ART4: variants seen among roughly 807,000 people sequenced by gnomAD.
The protein encoded by ART4 is ADP-ribosyltransferase 4 (inactive) (Dombrock blood group).
ART4 carries 14 observed loss-of-function variants against 24.2 expected under a neutral mutation model. The ratio of observed to expected loss-of-function variants is 0.58; its 90% CI spans 0.38 to 0.90. ART4 has a LOEUF of 0.90. Among genes scored for constraint, ART4 ranks in the 40% least tolerant of loss-of-function variants. ART4 has a pLI of 0.00. For synonymous variants in ART4, 145 were observed against 139.9 expected (o/e 1.04, Z -0.26); for missense variants, 356 against 366.6 (o/e 0.97, Z 0.24).
rs184044519 is a variant in ART4, at chr12:14,826,691, G to C, written c.*2680C>G. 2 of 152,242 alleles carry C rather than the reference G, an allele frequency of 1.3e-5. No homozygotes were observed. Among genetic ancestry groups the C allele is most frequent in the Non-Finnish European group, 2.9e-5 (2 of 68,056 alleles). The allele number at this position is 152,242 out of a possible 1,614,324, so 9.4% of individuals were successfully genotyped here. A position where few individuals can be genotyped will look rare whatever the true frequency, so the allele number is the denominator to read the frequency against. On this transcript the variant is annotated 3_prime_UTR_variant, in exon 3 of 3. Coordinates refer to ENST00000228936, the MANE Select transcript of ART4 (RefSeq NM_021071.4). ...CCACATTACCCCTCACTCTCTGCCA[G>C]ACCTATCTGCTCCCTGACCTTATGC...
Position 14,829,077 on chromosome 12 carries a change from A to T in ART4, c.*294T>A, listed in dbSNP as rs966385610. Reference sequence around the variant, plus strand: ...TGAAGAAGAAATATACTGATTGGCTAAGGCCTGAGTTACAGGCCAATCACA... The same window carrying T: ...TGAAGAAGAAATATACTGATTGGCTTAGGCCTGAGTTACAGGCCAATCACA... On this transcript the variant is annotated 3_prime_UTR_variant, in exon 3 of 3. Coordinates refer to ENST00000228936, the MANE Select transcript of ART4 (RefSeq NM_021071.4). 1.4e-4 allele frequency: 31 copies of T among 223,704 alleles called. No homozygotes were observed. The highest frequency in any genetic ancestry group is 5.9e-4 in the African/African-American group (26 of 43,730). 13.9% of individuals were successfully genotyped at this position (223,704 alleles called of 1,614,324 possible). A position where few individuals can be genotyped will look rare whatever the true frequency, so the allele number is the denominator to read the frequency against.
At position 14,840,742 on chromosome 12, in the gene ART4, G is replaced by A. The variant is rs567116903; in HGVS notation, c.556C>T (p.His186Tyr). Residue 186 changes from histidine (H) to tyrosine (Y), a missense_variant, in exon 2 of 3, where the codon CAT becomes TAT. His to Tyr is a moderately conservative substitution (Grantham distance 83, BLOSUM62 2). Transcript: ENST00000228936. ...MENGTLCYEV[H>Y]YRTKDVHFNA... ...AAGTGGACATCCTTCGTCCTATAAT[G>A]CACCTCATAGCACAGAGTGCCATTC... The A allele has an allele frequency of 6.2e-7, 1 of 1,614,020 alleles. No homozygotes were observed. Among genetic ancestry groups the A allele is most frequent in the Non-Finnish European group, 8.5e-7 (1 of 1,180,036 alleles).
chr12:14,839,096 A>G (rs1469157157), intron 2 of ART4, among the ~76,000 whole-genome samples: 1 of 152,162 alleles, frequency 6.6e-6, no homozygotes, highest in Non-Finnish European at 1.5e-5. Context: ...AGCCCTTTCT[A>G]AGATGTTGAC....
chr12:14,839,862 G>A (rs892070772), intron 2 of ART4, among the ~76,000 whole-genome samples: 1 of 152,160 alleles, frequency 6.6e-6, no homozygotes, highest in Non-Finnish European at 1.5e-5. Context: ...TTCCTGGAGA[G>A]AATGAGTAGC....
chr12:14,836,484 T>C (rs1039445441), intron 2 of ART4, among the ~76,000 whole-genome samples: 2 of 152,202 alleles, frequency 1.3e-5, no homozygotes, highest in African/African-American at 4.8e-5. Flanking sequence ...CAGAATGGCA[T>C]ACCATTTAAA....
intron 1 of ART4, among the ~76,000 whole-genome samples, chr12:14,841,933 G>GT (rs1361968442): frequency 2.0e-5 from 3 of 152,172 alleles, no homozygotes; most frequent in African/African-American, 7.2e-5. Flanking sequence ...ACACCCAGTT[G>GT]TTTTTTCCCA....
At chr12:14,833,192 A>G (rs533859055) in intron 2 of ART4, among the ~76,000 whole-genome samples, 2 of 152,350 alleles carry the variant, frequency 1.3e-5, no homozygotes, top group Non-Finnish European at 2.9e-5. Flanking sequence ...AAGTTAGAAT[A>G]GAAACACTAG....
At position 14,840,610 on chromosome 12, in the gene ART4, T is replaced by C. The variant is rs760469797; in HGVS notation, c.688A>G (p.Thr230Ala). The C allele has an allele frequency of 3.1e-6, 5 of 1,614,058 alleles. No homozygotes were observed. The highest frequency in any genetic ancestry group is 4.2e-6 in the Non-Finnish European group (5 of 1,180,016). ...FGNQTLFTIF[T>A]CLGAPVQYFS... ...TACTGTACAGGTGCACCCAGGCAGG[T>C]GAATATGGTAAATAGTGTCTGGTTC... Residue 230 changes from threonine to alanine, a missense_variant, in exon 2 of 3, where the codon ACC becomes GCC. Physicochemically the swap from Thr to Ala is moderately conservative, Grantham distance 58. Coordinates refer to ENST00000228936, the MANE Select transcript of ART4 (RefSeq NM_021071.4).
chr12:14,840,592 C>G lies in ART4; in HGVS notation c.706G>C (p.Val236Leu), dbSNP rs768235727. Residue 236 changes from valine (V) to leucine (L), a missense_variant, in exon 2 of 3, where the codon GTA becomes CTA. Coordinates refer to ENST00000228936, the MANE Select transcript of ART4 (RefSeq NM_021071.4). ...FTIFTCLGAPVQYFSLKKEVL... is the reference protein window; with the variant it reads ...FTIFTCLGAPLQYFSLKKEVL... ...TCCTTCTTGAGGGAGAAGTACTGTA[C>G]AGGTGCACCCAGGCAGGTGAATATG... 2 of 1,614,060 alleles carry G rather than the reference C, an allele frequency of 1.2e-6. No homozygotes were observed. Among genetic ancestry groups the G allele is most frequent in the African/African-American group, 2.7e-5 (2 of 74,936 alleles).
chr12:14,830,689 A>ATG (rs1399980631), intron 2 of ART4, among the ~76,000 whole-genome samples: 8 of 115,208 alleles, frequency 6.9e-5, no homozygotes, highest in Admixed American at 2.6e-4. Flanking sequence ...ATATATATAT[A>ATG]TATATATATA....
At position 14,843,216 on chromosome 12, in the gene ART4, G is replaced by A. The variant is rs543684970; in HGVS notation, c.-103C>T. ...TTTTCTTTCAGTCTCATCCGTAACC[G>A]TTTTTTCCCCTGTCTATGCTGAGCA... On this transcript the variant is annotated 5_prime_UTR_variant, in exon 1 of 3. It adds an upstream start codon to the 5' untranslated region. Transcript: ENST00000228936. 283 of 1,467,368 alleles carry A rather than the reference G, an allele frequency of 1.9e-4. 1 individual carries two copies. Among genetic ancestry groups the A allele is most frequent in the Admixed American group, 1.5e-3 (78 of 51,334 alleles). The allele number at this position is 1,467,368 out of a possible 1,614,324, so 90.9% of individuals were successfully genotyped here. A position where few individuals can be genotyped will look rare whatever the true frequency, so the allele number is the denominator to read the frequency against.
Position 14,829,416 on chromosome 12 carries a change from G to T in ART4, c.900C>A (p.Leu300=). The change falls in exon 3 of 3, where the codon CTC becomes CTA. Residue 300 remains leucine, a synonymous_variant. Coordinates refer to ENST00000228936, the MANE Select transcript of ART4 (RefSeq NM_021071.4). The part of the protein sequence containing the change: ...CIPDPIAIAS[L]SFLTSVIIFS... ...AGATGATGACACTGGTCAAAAAGGA[G>T]AGAGATGCAATAGCTATAGGATCAG... The T allele has an allele frequency of 1.2e-6, 2 of 1,609,388 alleles. No individual in the cohort carries two copies. Among genetic ancestry groups the T allele is most frequent in the Admixed American group, 3.4e-5 (2 of 59,218 alleles).
At chr12:14,840,316 G>T in intron 2 of ART4, 129 bp downstream of exon 2, 1 of 734,648 alleles carries the variant, frequency 1.4e-6, no homozygotes, top group Non-Finnish European at 2.2e-6. Context: ...TAATCTATCA[G>T]TTCCATCATT....
At chr12:14,829,596 C>A in intron 2 of ART4, 134 bp from the exon 3 acceptor site, 1 of 611,254 alleles carries the variant, frequency 1.6e-6, no homozygotes, top group Non-Finnish European at 2.8e-6. Context: ...ACTTAAAACA[C>A]ATTATTTTAG....
rs58131239 is a variant in ART4, at chr12:14,842,161, A to G, written c.144+809T>C. 7.6e-3 allele frequency among the ~76,000 whole-genome samples: 1,164 copies of G among 152,334 alleles called. 15 individuals carry two copies. Among genetic ancestry groups the G allele is most frequent in the African/African-American group, 0.027 (1,107 of 41,572 alleles). ...GTCCACAAAATATCATCAGACTATC[A>G]TTTAGAGCCATATATAAATTATATA... On this transcript the variant is annotated intron_variant, in intron 1 of 2. Transcript: ENST00000228936.
At chr12:14,837,035 A>ATCT (rs1950435772) in intron 2 of ART4, among the ~76,000 whole-genome samples, 1 of 152,156 alleles carries the variant, frequency 6.6e-6, no homozygotes, top group African/African-American at 2.4e-5. Flanking sequence ...CAATACCGAG[A>ATCT]CAGCAGATCT....
chr12:14,831,482 C>T (rs2137298413), intron 2 of ART4, among the ~76,000 whole-genome samples: 1 of 151,728 alleles, frequency 6.6e-6, no homozygotes, highest in Admixed American at 6.6e-5. Context: ...CCAGGCTGGT[C>T]TCGAACTCCT....
chr12:14,839,512 A>C (rs560862886), intron 2 of ART4, among the ~76,000 whole-genome samples: 30 of 152,312 alleles, frequency 2.0e-4, no homozygotes, highest in Admixed American at 1.9e-3. Context: ...GCTATACCAT[A>C]GCATGGTGGA....
In ART4 at chr12:14,827,866, C is replaced by T. The variant is rs368138935; in HGVS notation, c.*1505G>A. ...TTATTCCCCATTCCATTTCTTTGATCATGACACAGGCCATTCAGGAAGTCC... is the reference window on the plus strand; with the variant it reads ...TTATTCCCCATTCCATTTCTTTGATTATGACACAGGCCATTCAGGAAGTCC... On this transcript the variant is annotated 3_prime_UTR_variant, in exon 3 of 3. Coordinates refer to ENST00000228936, the MANE Select transcript of ART4 (RefSeq NM_021071.4). The T allele has an allele frequency of 1.7e-4, 26 of 152,318 alleles. No homozygotes were observed. The highest frequency in any genetic ancestry group is 6.3e-4 in the African/African-American group (26 of 41,552). 9.4% of individuals were successfully genotyped at this position (152,318 alleles called of 1,614,324 possible). A position where few individuals can be genotyped will look rare whatever the true frequency, so the allele number is the denominator to read the frequency against.
Sources: allele counts gnomAD v4.1 joint callset (sites outside exome capture counted in the v4.1 genomes callset), GRCh38; gene constraint gnomAD v4.1.1; transcripts MANE v1.5; gene names NCBI Gene and HGNC (gene_info 2026-07-23, HGNC 2026-07-21).